The following ADAMTS12 variants were observed in gnomAD, a reference collection of about 807,000 sequenced individuals.
The protein encoded by ADAMTS12 is A disintegrin and metalloproteinase with thrombospondin motifs 12.
ADAMTS12 carries 118 observed loss-of-function variants against 167.8 expected under a neutral mutation model. That is an observed-to-expected ratio of 0.70 (90% CI 0.61 to 0.82). ADAMTS12 has a LOEUF of 0.82. Ranked by LOEUF, ADAMTS12 falls within the 40% of genes least tolerant of loss-of-function variation. ADAMTS12 has a pLI of 0.00. For missense variants in ADAMTS12, 1,916 were observed against 1,998.8 expected, an observed-to-expected ratio of 0.96 and a Z score of 0.79; for synonymous variants, 704 against 716.9, an observed-to-expected ratio of 0.98 and a Z score of 0.29.
intron 2 of ADAMTS12, among the ~76,000 whole-genome samples, chr5:33,837,058 A>C (rs897992694): frequency 7.9e-5 from 12 of 151,870 alleles, no homozygotes; most frequent in African/African-American, 2.7e-4. Flanking sequence ...CCTGGCTTTT[A>C]ACCAGAGAAC....
At position 33,804,516 on chromosome 5, in the gene ADAMTS12, G is replaced by A. The variant is rs547941198; in HGVS notation, c.490-52968C>T. Among the ~76,000 whole-genome samples the A allele has an allele frequency of 1.1e-4, 16 of 152,314 alleles. No individual in the cohort carries two copies. The East Asian group carries it at 3.1e-3, about 29-fold the overall frequency. Reference sequence around the variant, plus strand: ...TCCCAACTGACATGCAGATGTGTGAGCAAGAATAAATGATGGCTGTTTAAA... The same window carrying A: ...TCCCAACTGACATGCAGATGTGTGAACAAGAATAAATGATGGCTGTTTAAA... On this transcript the variant is annotated intron_variant, in intron 2 of 23. Coordinates refer to ENST00000504830, the MANE Select transcript of ADAMTS12 (RefSeq NM_030955.4).
chr5:33,839,910 G>A (rs1748684675), intron 2 of ADAMTS12, among the ~76,000 whole-genome samples: 1 of 152,212 alleles, frequency 6.6e-6, no homozygotes. Context: ...TACTAGGGCT[G>A]AATCAAGTGA....
At chr5:33,638,767 T>A (rs4263503) in intron 11 of ADAMTS12, among the ~76,000 whole-genome samples, 80,635 of 152,088 alleles carry the variant, frequency 0.53, 22,882 homozygotes, top group Non-Finnish European at 0.62. Context: ...AGGCTCTTAA[T>A]AGATATTCAA....
At chr5:33,642,274 C>T (rs1740490759) in intron 10 of ADAMTS12, among the ~76,000 whole-genome samples, 1 of 152,202 alleles carries the variant, frequency 6.6e-6, no homozygotes, top group Admixed American at 6.5e-5. Context: ...TTAGGAAAAG[C>T]ATGTCAGCTT....
intron 12 of ADAMTS12, among the ~76,000 whole-genome samples, chr5:33,635,155 A>G (rs1187013363): frequency 6.6e-6 from 1 of 152,194 alleles, no homozygotes; most frequent in Non-Finnish European, 1.5e-5. Flanking sequence ...TATTTAAGCA[A>G]TGTAATAATT....
intron 2 of ADAMTS12, among the ~76,000 whole-genome samples, chr5:33,804,931 A>G (rs1468661825): frequency 1.3e-5 from 2 of 152,182 alleles, no homozygotes; most frequent in Non-Finnish European, 2.9e-5. Context: ...GTGAAAGTCA[A>G]TGGGGATCAG....
chr5:33,734,037 ACACACACAGAGT>A (rs1250560359), intron 3 of ADAMTS12, among the ~76,000 whole-genome samples: 1 of 147,660 alleles, frequency 6.8e-6, no homozygotes, highest in Non-Finnish European at 1.5e-5. Context: ...ACACACACAC[ACACACACAGAGT>A]AAGCTCTTAG....
At chr5:33,877,432 T>C (rs7729099) in intron 2 of ADAMTS12, among the ~76,000 whole-genome samples, 74,223 of 152,000 alleles carry the variant, frequency 0.49, 20,480 homozygotes, top group African/African-American at 0.74. Context: ...GGAACCAATT[T>C]GGTAGTGCTC....
At chr5:33,868,207 T>C (rs766147933) in intron 2 of ADAMTS12, among the ~76,000 whole-genome samples, 1 of 152,156 alleles carries the variant, frequency 6.6e-6, no homozygotes, top group Non-Finnish European at 1.5e-5. Context: ...ATATAGAAAA[T>C]TGGTACTTAG....
At chr5:33,610,317 T>C (rs757352387) in intron 16 of ADAMTS12, among the ~76,000 whole-genome samples, 4 of 152,246 alleles carry the variant, frequency 2.6e-5, no homozygotes, top group Non-Finnish European at 5.9e-5. Context: ...TGAGACACCA[T>C]ATTTCCGGTT....
intron 2 of ADAMTS12, among the ~76,000 whole-genome samples, chr5:33,765,709 C>T (rs183737671): frequency 3.7e-4 from 56 of 151,880 alleles, no homozygotes; most frequent in Admixed American, 3.0e-3. Context: ...TAATCTCTGA[C>T]CACAGAAAAA....
At chr5:33,640,098 GAC>G (rs1292197564) in intron 11 of ADAMTS12, among the ~76,000 whole-genome samples, 3 of 152,158 alleles carry the variant, frequency 2.0e-5, no homozygotes, top group Non-Finnish European at 4.4e-5. Context: ...GTTCTCACTA[GAC>G]AGTTGACCTA....
intron 7 of ADAMTS12, among the ~76,000 whole-genome samples, chr5:33,655,631 T>TTAATTTAA (rs1741030307): frequency 1.3e-5 from 2 of 150,390 alleles, no homozygotes; most frequent in South Asian, 4.2e-4. Flanking sequence ...TTTTATTTAT[T>TTAATTTAA]TAATTTAATT....
chr5:33,557,762 C>T (rs1180609349), intron 20 of ADAMTS12, among the ~76,000 whole-genome samples: 5 of 152,168 alleles, frequency 3.3e-5, no homozygotes, highest in Non-Finnish European at 7.3e-5. Context: ...AGGAACCAGG[C>T]TGCACAGCAG....
At position 33,733,450 on chromosome 5, in the gene ADAMTS12, C is replaced by A. The variant is rs188749719; in HGVS notation, c.634+17954G>T. 1.7e-3 allele frequency among the ~76,000 whole-genome samples: 261 copies of A among 152,308 alleles called. 1 individual carries two copies. The highest frequency in any genetic ancestry group is 5.7e-3 in the African/African-American group (235 of 41,564). ...CTCATCTGTGAAATGGGGATAATAA[C>A]AGCCTCTAATCATAAGACAGCCACG... On this transcript the variant is annotated intron_variant, in intron 3 of 23. Coordinates refer to ENST00000504830, the MANE Select transcript of ADAMTS12 (RefSeq NM_030955.4).
intron 2 of ADAMTS12, among the ~76,000 whole-genome samples, chr5:33,849,216 C>A (rs1262761087): frequency 2.9e-5 from 2 of 69,266 alleles, no homozygotes; most frequent in East Asian, 4.5e-4. Context: ...ATATGTATTG[C>A]ATAGCAATAT....
chr5:33,839,503 G>C (rs991561296), intron 2 of ADAMTS12, among the ~76,000 whole-genome samples: 2 of 152,112 alleles, frequency 1.3e-5, no homozygotes, highest in African/African-American at 4.8e-5. Flanking sequence ...CTTCTTTACA[G>C]GATCCCAGGT....
At chr5:33,846,441 T>A (rs908544903) in intron 2 of ADAMTS12, among the ~76,000 whole-genome samples, 3 of 152,320 alleles carry the variant, frequency 2.0e-5, no homozygotes, top group African/African-American at 7.2e-5. Context: ...CCAAAGCCAG[T>A]AATAGAATTG....
chr5:33,886,123 CATG>C (rs1561329332), intron 1 of ADAMTS12, among the ~76,000 whole-genome samples: 1 of 152,194 alleles, frequency 6.6e-6, no homozygotes, highest in East Asian at 1.9e-4. Flanking sequence ...CAGATTTAAA[CATG>C]ATTTTTGAAA....
Sources: allele counts gnomAD v4.1 joint callset (sites outside exome capture counted in the v4.1 genomes callset), GRCh38; gene constraint gnomAD v4.1.1; transcripts MANE v1.5; gene names NCBI Gene and HGNC (gene_info 2026-07-23, HGNC 2026-07-21).